The following DLGAP2 variants were observed in gnomAD, a reference collection of about 807,000 sequenced individuals.
DLGAP2 encodes DLG associated protein 2.
A neutral mutation model predicts 100.3 loss-of-function variants in DLGAP2; 26 were observed. That is an observed-to-expected ratio of 0.26 (90% CI 0.19 to 0.36). DLGAP2 has a LOEUF of 0.36. DLGAP2 is among the 10% of genes least tolerant of loss of function. The pLI, the probability that DLGAP2 is intolerant of heterozygous loss-of-function variation, is 1.00. For missense variants in DLGAP2, 1,858 were observed against 1,453.2 expected (o/e 1.28, Z -4.53); for synonymous variants, 886 against 630.1 (o/e 1.41, Z -6.08).
intron 2 of DLGAP2, among the ~76,000 whole-genome samples, chr8:1,004,083 T>C (rs1237793565): frequency 6.6e-6 from 1 of 152,244 alleles, no homozygotes; most frequent in African/African-American, 2.4e-5. Context: ...TTGGATTGTT[T>C]CCGATCTTTT....
At chr8:1,102,722 G>A (rs951179818) in intron 2 of DLGAP2, among the ~76,000 whole-genome samples, 6 of 152,228 alleles carry the variant, frequency 3.9e-5, no homozygotes, top group South Asian at 2.1e-4. Flanking sequence ...GCACCTTTGC[G>A]TCTGCACTCA....
At chr8:940,618 G>A (rs866723840) in intron 2 of DLGAP2, among the ~76,000 whole-genome samples, 8 of 152,136 alleles carry the variant, frequency 5.3e-5, no homozygotes, top group South Asian at 2.1e-4. Context: ...AGCCTGGGAC[G>A]TTTTCGGGGG....
At chr8:1,012,379 G>A (rs947288725) in intron 2 of DLGAP2, among the ~76,000 whole-genome samples, 3 of 152,250 alleles carry the variant, frequency 2.0e-5, no homozygotes, top group Non-Finnish European at 2.9e-5. Flanking sequence ...GAAAGCGCCC[G>A]CGGCAAATGC....
At chr8:1,188,389 C>G (rs1352181590) in intron 2 of DLGAP2, among the ~76,000 whole-genome samples, 1 of 132,806 alleles carries the variant, frequency 7.5e-6, no homozygotes, top group East Asian at 2.1e-4. Flanking sequence ...CTCACACACC[C>G]GGGACCTCCA....
At chr8:1,410,924 C>T (rs193261135) in intron 3 of DLGAP2, among the ~76,000 whole-genome samples, 3 of 150,918 alleles carry the variant, frequency 2.0e-5, no homozygotes, top group Non-Finnish European at 4.4e-5. Flanking sequence ...AATATCTTTA[C>T]TTCTCTATTT....
intron 6 of DLGAP2, among the ~76,000 whole-genome samples, chr8:1,571,065 T>C (rs528263179): frequency 1.3e-4 from 16 of 126,188 alleles, no homozygotes; most frequent in African/African-American, 4.7e-4. Flanking sequence ...TGTGGGGGCA[T>C]CTGATGAGAT....
chr8:894,310 T>C (rs1193188395), intron 1 of DLGAP2, among the ~76,000 whole-genome samples: 1 of 152,160 alleles, frequency 6.6e-6, no homozygotes, highest in Non-Finnish European at 1.5e-5. Flanking sequence ...TTACAGAGAC[T>C]GGTGTGACAG....
chr8:1,535,434 G>A (rs564060146), intron 4 of DLGAP2, among the ~76,000 whole-genome samples: 1 of 152,340 alleles, frequency 6.6e-6, no homozygotes, highest in East Asian at 1.9e-4. Flanking sequence ...AGGAACGATG[G>A]CCAAGAGGGC....
intron 2 of DLGAP2, among the ~76,000 whole-genome samples, chr8:1,110,006 CAT>C (rs71986868): frequency 0.018 from 1,759 of 96,656 alleles, 99 homozygotes; most frequent in African/African-American, 0.077. Flanking sequence ...GGGTCTGTGA[CAT>C]GTGCTGGGTC....
intron 2 of DLGAP2, among the ~76,000 whole-genome samples, chr8:1,215,482 G>T (rs75432601): frequency 0.049 from 3,676 of 74,430 alleles, 138 homozygotes; most frequent in African/African-American, 0.16. Flanking sequence ...CCAGGTACCT[G>T]GATGGGTTCA....
In DLGAP2 at chr8:1,418,035, G is replaced by T. The variant is rs535866936; in HGVS notation, c.107-83331G>T. ...TACAGTCCCGTTCTGGACAGTGGAA[G>T]TGGGGGATTAGATGCCTGCAAGAAT... is the stretch of plus-strand genomic sequence containing the variant. On this transcript the variant is annotated intron_variant, in intron 3 of 14. Coordinates refer to ENST00000637795, the MANE Select transcript of DLGAP2 (RefSeq NM_001346810.2). Among the ~76,000 whole-genome samples the T allele has an allele frequency of 1.8e-4, 27 of 152,330 alleles. No individual in the cohort carries two copies. The South Asian group carries it at 3.1e-3, about 18-fold the overall frequency.
Position 1,566,617 on chromosome 8 carries a change from C to G in DLGAP2, c.1442+723C>G, listed in dbSNP as rs576373875. 7.2e-5 allele frequency among the ~76,000 whole-genome samples: 11 copies of G among 152,292 alleles called. No homozygotes were observed. The East Asian group carries it at 2.1e-3, about 29-fold the overall frequency. On this transcript the variant is annotated intron_variant, in intron 6 of 14. Coordinates refer to ENST00000637795, the MANE Select transcript of DLGAP2 (RefSeq NM_001346810.2). ...GTCCTGGGCAAGTGGATAGGCAGGG[C>G]GGAACTGCTTCTCAGCCTTGGCCAG... is the stretch of plus-strand genomic sequence containing the variant.
intron 1 of DLGAP2, among the ~76,000 whole-genome samples, chr8:806,653 C>T (rs912719514): frequency 1.6e-4 from 24 of 152,276 alleles, no homozygotes; most frequent in African/African-American, 5.5e-4. Context: ...TCGGGGCCAG[C>T]GCTCCATTTC....
chr8:1,339,399 C>T (rs1044160335), intron 3 of DLGAP2, among the ~76,000 whole-genome samples: 9 of 152,142 alleles, frequency 5.9e-5, no homozygotes, highest in African/African-American at 2.2e-4. Flanking sequence ...GGAGGGAATG[C>T]AGTGACCTCA....
intron 2 of DLGAP2, among the ~76,000 whole-genome samples, chr8:1,228,091 T>TG (rs1346037326): frequency 1.3e-5 from 2 of 149,930 alleles, no homozygotes; most frequent in Admixed American, 1.3e-4. Flanking sequence ...GGTGGGGGAA[T>TG]GGGGGAGGGA....
intron 3 of DLGAP2, among the ~76,000 whole-genome samples, chr8:1,499,185 G>C (rs578020238): frequency 6.6e-6 from 1 of 152,386 alleles, no homozygotes; most frequent in Non-Finnish European, 1.5e-5. Flanking sequence ...CCGATACCAA[G>C]CTTGTGCTCT....
At chr8:1,688,732 T>C (rs1490209214) in intron 12 of DLGAP2, among the ~76,000 whole-genome samples, 1 of 152,212 alleles carries the variant, frequency 6.6e-6, no homozygotes, top group Non-Finnish European at 1.5e-5. Flanking sequence ...AAGTCCATTA[T>C]CCTACCCAGG....
In DLGAP2 at chr8:1,533,782, C is replaced by T. The variant is rs115812767; in HGVS notation, c.173-14844C>T. Among the ~76,000 whole-genome samples the T allele has an allele frequency of 8.7e-3, 1,329 of 152,102 alleles. 24 individuals carry two copies. The highest frequency in any genetic ancestry group is 0.031 in the African/African-American group (1,280 of 41,476). On this transcript the variant is annotated intron_variant, in intron 4 of 14. Coordinates refer to ENST00000637795, the MANE Select transcript of DLGAP2 (RefSeq NM_001346810.2). ...AATCAGCCCAGGCAATGTGGAGAGA[C>T]CCTGTCTCTACAAAAAAATTAAAAA...
chr8:1,053,896 T>C (rs1444139380), intron 2 of DLGAP2, among the ~76,000 whole-genome samples: 2 of 152,252 alleles, frequency 1.3e-5, no homozygotes, highest in Non-Finnish European at 2.9e-5. Context: ...TTAGAGCAAG[T>C]ACTGTTGAGT....
Sources: allele counts gnomAD v4.1 joint callset (sites outside exome capture counted in the v4.1 genomes callset), GRCh38; gene constraint gnomAD v4.1.1; transcripts MANE v1.5; gene names NCBI Gene and HGNC (gene_info 2026-07-23, HGNC 2026-07-21).